PRDM2: variants seen among roughly 807,000 people sequenced by gnomAD.
PRDM2 encodes PR domain zinc finger protein 2.
In PRDM2, 30 loss-of-function variants were observed where a neutral mutation model predicts 130.0. The observed-to-expected ratio is 0.23, with a 90% CI of 0.17 to 0.31. The LOEUF is 0.31. Ranked by LOEUF, PRDM2 falls within the 10% of genes least tolerant of loss-of-function variation. The pLI, the probability that PRDM2 is intolerant of heterozygous loss-of-function variation, is 1.00. For missense variants in PRDM2, 2,011 were observed against 2,108.4 expected (o/e 0.95, Z 0.90); for synonymous variants, 871 against 782.4 (o/e 1.11, Z -1.89).
intron 8 of PRDM2, among the ~76,000 whole-genome samples, chr1:13,802,963 G>A (rs1645030888): frequency 6.6e-6 from 1 of 152,246 alleles, no homozygotes. Context: ...GGAGGAAGCT[G>A]TGAAGCTGGA....
intron 4 of PRDM2, among the ~76,000 whole-genome samples, chr1:13,739,929 A>C (rs983285106): frequency 1.3e-5 from 2 of 152,098 alleles, no homozygotes; most frequent in Non-Finnish European, 2.9e-5. Flanking sequence ...TTTGCTTTCA[A>C]GTTATTTTTT....
intron 8 of PRDM2, among the ~76,000 whole-genome samples, chr1:13,792,288 C>T (rs1233939232): frequency 1.3e-5 from 2 of 152,290 alleles, no homozygotes; most frequent in African/African-American, 2.4e-5. Context: ...ATTTGTGGCA[C>T]AGGTAAGTTA....
intron 6 of PRDM2, among the ~76,000 whole-genome samples, chr1:13,762,521 T>C (rs546417877): frequency 1.3e-5 from 2 of 152,302 alleles, no homozygotes; most frequent in African/African-American, 2.4e-5. Flanking sequence ...CCACCAGCCA[T>C]TGGACGCTGG....
intron 2 of PRDM2, among the ~76,000 whole-genome samples, chr1:13,716,461 TAAA>T (rs1025204680): frequency 6.6e-6 from 1 of 150,950 alleles, no homozygotes; most frequent in Non-Finnish European, 1.5e-5. Context: ...AATAAAAAAA[TAAA>T]AAAAAGAGAG....
At chr1:13,808,485 A>T (rs1209370606) in intron 8 of PRDM2, among the ~76,000 whole-genome samples, 1 of 149,196 alleles carries the variant, frequency 6.7e-6, no homozygotes, top group Non-Finnish European at 1.5e-5. Context: ...AAAAAAAAAC[A>T]GTTGATGCTG....
Position 13,749,370 on chromosome 1 carries a change from C to A in PRDM2, c.394C>A (p.Pro132Thr). The A allele has an allele frequency of 6.7e-7, 1 of 1,491,430 alleles. No homozygotes were observed. Among genetic ancestry groups the A allele is most frequent in the East Asian group, 2.9e-5 (1 of 34,430 alleles). The allele number at this position is 1,491,430 out of a possible 1,614,324, so 92.4% of individuals were successfully genotyped here. The change falls in exon 6 of 10, where the codon CCG (proline) becomes ACG (threonine). Residue 132 changes from proline (P) to threonine (T), a missense_variant. By Grantham distance (38) the Pro-to-Thr change is conservative (BLOSUM62 -1). Transcript: ENST00000311066. ...IYYKTLKPIA[P>T]GEELLVWYNG... is the part of the protein sequence containing the mutation. ...TCTTCTCTCCCCGCAGCCAATCGCGCCGGGCGAGGAGCTCCTGGTCTGGTA... is the reference window on the plus strand; with the variant it reads ...TCTTCTCTCCCCGCAGCCAATCGCGACGGGCGAGGAGCTCCTGGTCTGGTA...
At chr1:13,813,202 A>G (rs1370769367) in intron 8 of PRDM2, among the ~76,000 whole-genome samples, 1 of 152,202 alleles carries the variant, frequency 6.6e-6, no homozygotes, top group Non-Finnish European at 1.5e-5. Context: ...GCAGAAGATC[A>G]ACCTGGAACT....
chr1:13,743,904 T>C (rs769747182), intron 5 of PRDM2, among the ~76,000 whole-genome samples: 80 of 152,320 alleles, frequency 5.3e-4, no homozygotes, highest in Middle Eastern at 6.8e-3. Context: ...GCTTTTCTAG[T>C]AGGTATTACT....
chr1:13,703,726 T>G (rs1642131087), intron 1 of PRDM2, among the ~76,000 whole-genome samples: 1 of 152,262 alleles, frequency 6.6e-6, no homozygotes, highest in South Asian at 2.1e-4. Context: ...TGGTAAATAA[T>G]TTAAGCATAT....
At chr1:13,819,148 A>G (rs1645306489) in intron 9 of PRDM2, among the ~76,000 whole-genome samples, 1 of 152,194 alleles carries the variant, frequency 6.6e-6, no homozygotes, top group African/African-American at 2.4e-5. Context: ...ACCCCAGAGC[A>G]GGTGTTCTCT....
chr1:13,777,630 CT>C (rs1378525447), intron 7 of PRDM2, among the ~76,000 whole-genome samples: 6 of 12,204 alleles, frequency 4.9e-4, no homozygotes, highest in African/African-American at 1.4e-3. Context: ...AGGGCTCCTC[CT>C]CCCACCCCCC....
At position 13,806,726 on chromosome 1, in the gene PRDM2, TGTCAACCCACG is replaced by T; in HGVS notation, c.5037-9697_5037-9687del. On this transcript the variant is annotated intron_variant, in intron 8 of 9. Transcript: ENST00000311066. The surrounding 1 kb of genome is among the most constrained non-coding windows in gnomAD (Gnocchi z 4.1). ...TTGCTGGTGTCCCCAGTTCCTTCCC[TGTCAACCCACG>T]GTCTGTGCCCAGCACAGCAGCCACT... Among the ~76,000 whole-genome samples the T allele has an allele frequency of 6.6e-6, 1 of 152,184 alleles. No individual in the cohort carries two copies. The highest frequency in any genetic ancestry group is 1.5e-5 in the Non-Finnish European group (1 of 68,036).
intron 6 of PRDM2, among the ~76,000 whole-genome samples, chr1:13,769,386 A>G (rs960553886): frequency 6.6e-5 from 10 of 152,198 alleles, no homozygotes; most frequent in Non-Finnish European, 1.5e-4. Flanking sequence ...CTGTTGCTGC[A>G]ATATTTGGCG....
intron 6 of PRDM2, among the ~76,000 whole-genome samples, chr1:13,751,330 A>G (rs1643831187): frequency 6.6e-6 from 1 of 152,202 alleles, no homozygotes; most frequent in Non-Finnish European, 1.5e-5. Context: ...TTAATTAATT[A>G]AAAGACTTAT....
chr1:13,746,185 T>G (rs1176465737), intron 5 of PRDM2, among the ~76,000 whole-genome samples: 1 of 152,030 alleles, frequency 6.6e-6, no homozygotes, highest in African/African-American at 2.4e-5. Context: ...TTAAAATCTT[T>G]GTTGTTGTTA....
chr1:13,782,928 TTC>T lies in PRDM2; in HGVS notation c.5036+98_5036+99del. The T allele has an allele frequency of 5.8e-6, 9 of 1,559,104 alleles. No individual in the cohort carries two copies. The East Asian group carries it at 1.6e-4, about 28-fold the overall frequency. On this transcript the variant is annotated intron_variant, in intron 8 of 9. Transcript: ENST00000311066. ...TTTCTTGTTGCTTTTTTTTTTTTTT[TTC>T]CCCACTTAAAGGAAATAGCTGTTGT...
At chr1:13,798,233 C>T (rs991519527) in intron 8 of PRDM2, among the ~76,000 whole-genome samples, 3 of 152,114 alleles carry the variant, frequency 2.0e-5, no homozygotes, top group African/African-American at 7.2e-5. Flanking sequence ...CCAAAGCTAC[C>T]GCTCCGCCTC....
At chr1:13,752,870 T>C (rs1172421097) in intron 6 of PRDM2, among the ~76,000 whole-genome samples, 5 of 152,224 alleles carry the variant, frequency 3.3e-5, no homozygotes, top group African/African-American at 1.2e-4. Context: ...ATCATATCGA[T>C]GATGCTTGTG....
chr1:13,761,946 G>A (rs1644107978), intron 6 of PRDM2, among the ~76,000 whole-genome samples: 1 of 152,140 alleles, frequency 6.6e-6, no homozygotes, highest in Non-Finnish European at 1.5e-5. Context: ...AATCAGCGGA[G>A]AACAAATGAA....
Sources: gnomAD v4.1 joint callset for allele counts (sites outside exome capture counted in the v4.1 genomes callset) on GRCh38, gnomAD v4.1.1 for gene constraint, Gnocchi (gnomAD v3.1) non-coding constraint, MANE v1.5 for transcripts, NCBI Gene and HGNC (gene_info 2026-07-23, HGNC 2026-07-21) for gene names.